The following OSBPL1A variants were observed in gnomAD, a reference collection of about 807,000 sequenced individuals.
OSBPL1A encodes oxysterol binding protein like 1A.
OSBPL1A carries 80 observed loss-of-function variants against 137.1 expected under a neutral mutation model. The observed-to-expected ratio is 0.58, with a 90% CI of 0.49 to 0.70. The LOEUF (loss-of-function observed/expected upper bound fraction) is 0.70. Among genes scored for constraint, OSBPL1A ranks in the 30% least tolerant of loss-of-function variants. OSBPL1A has a pLI of 0.00. For missense variants in OSBPL1A, 970 were observed against 1,129.4 expected (o/e 0.86, Z 2.02); for synonymous variants, 365 against 389.7 (o/e 0.94, Z 0.75).
intron 15 of OSBPL1A, among the ~76,000 whole-genome samples, chr18:24,241,933 A>G (rs1384613620): frequency 6.6e-6 from 1 of 152,216 alleles, no homozygotes; most frequent in Non-Finnish European, 1.5e-5. Flanking sequence ...ACACCATGGA[A>G]TACTACACAG....
At chr18:24,359,699 A>G (rs546025967) in intron 4 of OSBPL1A, among the ~76,000 whole-genome samples, 1 of 152,260 alleles carries the variant, frequency 6.6e-6, no homozygotes, top group South Asian at 2.1e-4. Context: ...TAAAAATTAA[A>G]AAAAAATAAA....
At chr18:24,263,668 C>T (rs959913229) in intron 15 of OSBPL1A, among the ~76,000 whole-genome samples, 56 of 152,262 alleles carry the variant, frequency 3.7e-4, no homozygotes, top group Admixed American at 3.6e-3. Flanking sequence ...CGGAGTTGCA[C>T]TCTGTCACCC....
intron 15 of OSBPL1A, chr18:24,272,292 A>T: frequency 1.0e-6 from 1 of 980,534 alleles, no homozygotes. Flanking sequence ...CCCTTGGGAA[A>T]CTCTGGAAAG....
At chr18:24,302,111 T>C (rs1465456302) in intron 14 of OSBPL1A, among the ~76,000 whole-genome samples, 1 of 151,724 alleles carries the variant, frequency 6.6e-6, no homozygotes, top group Non-Finnish European at 1.5e-5. Flanking sequence ...CGGGCACTTG[T>C]AGTCCCCAGC....
intron 18 of OSBPL1A, among the ~76,000 whole-genome samples, chr18:24,189,676 C>T (rs1344856471): frequency 6.6e-6 from 1 of 152,226 alleles, no homozygotes; most frequent in African/African-American, 2.4e-5. Flanking sequence ...CACACGATGC[C>T]TAGCATCTCA....
At chr18:24,207,170 G>A (rs1356540715) in intron 17 of OSBPL1A, among the ~76,000 whole-genome samples, 10 of 152,152 alleles carry the variant, frequency 6.6e-5, no homozygotes, top group African/African-American at 1.4e-4. Context: ...GGCAACCTCC[G>A]CCTCCCAGGT....
chr18:24,374,461 G>A (rs1377784450), intron 2 of OSBPL1A, among the ~76,000 whole-genome samples: 2 of 152,164 alleles, frequency 1.3e-5, no homozygotes, highest in African/African-American at 2.4e-5. Flanking sequence ...ATACATTGAG[G>A]AGACATAGAG....
At chr18:24,358,531 T>C in intron 4 of OSBPL1A, 1 of 702,336 alleles carries the variant, frequency 1.4e-6, no homozygotes, top group African/African-American at 1.7e-5. Context: ...ATTATATGTA[T>C]ATATTTCAAG....
intron 17 of OSBPL1A, among the ~76,000 whole-genome samples, chr18:24,213,843 A>C (rs2087615701): frequency 6.6e-6 from 1 of 152,200 alleles, no homozygotes; most frequent in Admixed American, 6.5e-5. Context: ...AAAATTTAGA[A>C]TTTGTTGTCA....
chr18:24,189,857 C>T (rs1010741056), intron 18 of OSBPL1A, among the ~76,000 whole-genome samples: 1 of 152,176 alleles, frequency 6.6e-6, no homozygotes, highest in African/African-American at 2.4e-5. Flanking sequence ...CACAGGCCAG[C>T]CATGGGGGAC....
intron 14 of OSBPL1A, among the ~76,000 whole-genome samples, chr18:24,284,105 C>T (rs188931283): frequency 3.3e-5 from 5 of 152,008 alleles, no homozygotes; most frequent in East Asian, 1.9e-4. Flanking sequence ...ACTTCCACAG[C>T]GGAACAGTTT....
chr18:24,368,776 G>A (rs1168800944), intron 2 of OSBPL1A, among the ~76,000 whole-genome samples: 1 of 152,176 alleles, frequency 6.6e-6, no homozygotes, highest in Non-Finnish European at 1.5e-5. Context: ...TGGAGGAGCT[G>A]AAGGCAGCTC....
rs990773901 is a variant in OSBPL1A at position 24,367,570 on chromosome 18, G to A, written c.208-604C>T. ...AGGCAGGAGGATCACTTGAACCTGG[G>A]AGGTCAAGGCTGCAGTGAGCCGAGA... On this transcript the variant is annotated intron_variant, in intron 3 of 27. Transcript: ENST00000319481. The A allele has an allele frequency of 9.3e-5, 14 of 151,116 alleles. No homozygotes were observed. The East Asian group carries it at 1.2e-3, about 13-fold the overall frequency. 9.4% of individuals were successfully genotyped at this position (151,116 alleles called of 1,614,324 possible).
At chr18:24,336,740 T>C (rs2091182253) in intron 5 of OSBPL1A, among the ~76,000 whole-genome samples, 1 of 152,174 alleles carries the variant, frequency 6.6e-6, no homozygotes, top group African/African-American at 2.4e-5. Flanking sequence ...TGACTGATGC[T>C]TACATACATG....
intron 15 of OSBPL1A, among the ~76,000 whole-genome samples, chr18:24,244,983 T>C (rs979146712): frequency 6.6e-6 from 1 of 152,200 alleles, no homozygotes; most frequent in Non-Finnish European, 1.5e-5. Context: ...TGATGATCAG[T>C]CTTCCAACTG....
At chr18:24,298,085 C>G (rs2090325370) in intron 14 of OSBPL1A, among the ~76,000 whole-genome samples, 1 of 152,144 alleles carries the variant, frequency 6.6e-6, no homozygotes, top group Non-Finnish European at 1.5e-5. Flanking sequence ...CCACCAAAAC[C>G]AAACTGGTGA....
intron 16 of OSBPL1A, 72 bp downstream of exon 16, chr18:24,239,148 A>G: frequency 6.4e-7 from 1 of 1,557,400 alleles, no homozygotes; most frequent in African/African-American, 1.4e-5. Context: ...TGGTGGACTC[A>G]AGGGGACATT....
intron 4 of OSBPL1A, chr18:24,347,894 C>T (rs1254910777): frequency 1.5e-5 from 2 of 129,440 alleles, no homozygotes; most frequent in Non-Finnish European, 3.4e-5. Context: ...CTAGAGACTA[C>T]AAAGAGAGGT....
intron 15 of OSBPL1A, among the ~76,000 whole-genome samples, chr18:24,275,964 G>T (rs1037000534): frequency 2.7e-4 from 41 of 152,054 alleles, no homozygotes; most frequent in African/African-American, 9.9e-4. Context: ...CCTAACCTCA[G>T]GTGATCCACC....
Sources: gnomAD v4.1 joint callset for allele counts (sites outside exome capture counted in the v4.1 genomes callset) on GRCh38, gnomAD v4.1.1 for gene constraint, MANE v1.5 for transcripts, NCBI Gene and HGNC (gene_info 2026-07-23, HGNC 2026-07-21) for gene names.